The following FMNL2 variants were observed in gnomAD, a reference collection of about 807,000 sequenced individuals.
FMNL2 encodes formin-like protein 2.
Under a neutral mutation model 130.2 loss-of-function variants are expected in FMNL2, and 51 were observed. The observed-to-expected ratio is 0.39, with a 90% confidence interval of 0.31 to 0.49. The LOEUF (loss-of-function observed/expected upper bound fraction) is 0.49. Ranked by LOEUF, FMNL2 falls within the 20% of genes least tolerant of loss-of-function variation. FMNL2 has a pLI of 0.85. For missense variants in FMNL2, 977 were observed against 1,316.2 expected, an observed-to-expected ratio of 0.74 and a Z score of 3.99; for synonymous variants, 465 against 467.1, an observed-to-expected ratio of 1.00 and a Z score of 0.06.
chr2:152,583,261 G>T (rs1035272571), intron 9 of FMNL2, among the ~76,000 whole-genome samples: 2 of 152,172 alleles, frequency 1.3e-5, no homozygotes, highest in African/African-American at 4.8e-5. Context: ...ACTGTCCTTG[G>T]CATAGGCATT....
chr2:152,502,957 A>C (rs915113551), intron 1 of FMNL2, among the ~76,000 whole-genome samples: 1 of 152,080 alleles, frequency 6.6e-6, no homozygotes, highest in Admixed American at 6.6e-5. Context: ...TTCCCTGGGC[A>C]GTGTTGAGGG....
chr2:152,390,067 C>G, intron 1 of FMNL2: 1 of 1,560,604 alleles, frequency 6.4e-7, no homozygotes, highest in East Asian at 2.2e-5. Flanking sequence ...CTTGACTCCC[C>G]AGGAAAGCAG....
chr2:152,338,363 A>G (rs1234448658), intron 1 of FMNL2, among the ~76,000 whole-genome samples: 3 of 152,168 alleles, frequency 2.0e-5, no homozygotes, highest in Non-Finnish European at 4.4e-5. Flanking sequence ...GTTCCTCCCA[A>G]CTTCCAGCTC....
In FMNL2 at chr2:152,617,128, T is replaced by G; in HGVS notation, c.1250T>G (p.Met417Arg). ...EKLQDTENEA[M>R]SKIVELEKQL... ...CTGCAAGACACAGAGAATGAAGCCA[T>G]GTCCAAGATTGTGGAACTGGAAAAG... Residue 417 changes from methionine (M) to arginine (R), a missense_variant, in exon 13 of 26, where the codon ATG becomes AGG. By Grantham distance (91) the Met-to-Arg change is moderately conservative. Transcript: ENST00000288670. 6.2e-6 allele frequency: 10 copies of G among 1,613,916 alleles called. No homozygotes were observed. The highest frequency in any genetic ancestry group is 8.5e-6 in the Non-Finnish European group (10 of 1,179,862).
chr2:152,404,635 A>G (rs1004034027), intron 1 of FMNL2, among the ~76,000 whole-genome samples: 1 of 152,204 alleles, frequency 6.6e-6, no homozygotes, highest in Admixed American at 6.5e-5. Flanking sequence ...GTTCTCCAGC[A>G]GAGTCCTAAT....
Position 152,614,884 on chromosome 2 carries a change from G to C in FMNL2, c.1096G>C (p.Val366Leu). Residue 366 changes from valine (V) to leucine (L), a missense_variant, in exon 12 of 26, where the codon GTC becomes CTC. Coordinates refer to ENST00000288670, the MANE Select transcript of FMNL2 (RefSeq NM_052905.4). ...LKHTESDKLQ[V>L]QIQAYLDNVF... ...ACACACTGAGAGTGACAAGCTTCAA[G>C]TCCAGATCCAGGCTTACCTGGACAA... 6.2e-7 allele frequency: 1 copy of C among 1,613,218 alleles called. No homozygotes were observed. The highest frequency in any genetic ancestry group is 1.1e-5 in the South Asian group (1 of 90,916).
intron 1 of FMNL2, among the ~76,000 whole-genome samples, chr2:152,456,382 T>C (rs1342730864): frequency 6.6e-6 from 1 of 152,162 alleles, no homozygotes; most frequent in Non-Finnish European, 1.5e-5. Flanking sequence ...TTGATTGTTT[T>C]GTGGAGACAG....
At chr2:152,408,183 T>C (rs1247505014) in intron 1 of FMNL2, among the ~76,000 whole-genome samples, 1 of 152,200 alleles carries the variant, frequency 6.6e-6, no homozygotes. Flanking sequence ...ATAATAGATA[T>C]TGAGTAGTTG....
In FMNL2 at chr2:152,578,880, A is replaced by G; in HGVS notation, c.706-8A>G. ...TTGTGTTTCTTTTTTTTTCCATGTT[A>G]ATTTTAGTATGGTTTCAACATGGTC... On this transcript the variant is annotated splice_polypyrimidine_tract_variant and splice_region_variant and intron_variant, in intron 7 of 25. Transcript: ENST00000288670. 1.2e-6 allele frequency: 2 copies of G among 1,605,484 alleles called. No homozygotes were observed. The highest frequency in any genetic ancestry group is 1.1e-5 in the South Asian group (1 of 89,332).
chr2:152,479,728 T>G (rs920542833), intron 1 of FMNL2, among the ~76,000 whole-genome samples: 2 of 149,128 alleles, frequency 1.3e-5, no homozygotes, highest in African/African-American at 2.5e-5. Context: ...GTTTTTTTTT[T>G]TTTTTTTTTT....
At chr2:152,567,179 A>C (rs530600988) in intron 6 of FMNL2, among the ~76,000 whole-genome samples, 1 of 152,328 alleles carries the variant, frequency 6.6e-6, no homozygotes, top group Admixed American at 6.5e-5. Context: ...TGTCCTGATT[A>C]ATTAGCCCCC....
chr2:152,592,231 C>T (rs1016806814), intron 9 of FMNL2, among the ~76,000 whole-genome samples: 1 of 152,180 alleles, frequency 6.6e-6, no homozygotes, highest in Non-Finnish European at 1.5e-5. Context: ...ACTAGGAGGA[C>T]AGTAATTTAA....
Position 152,572,745 on chromosome 2 carries a change from A to C in FMNL2, c.597-2391A>C, listed in dbSNP as rs201880008. On this transcript the variant is annotated intron_variant, in intron 6 of 25. Transcript: ENST00000288670. ...GTGACAAAGTGAGACCCTTGTCTCC[A>C]AAAAATACATGGTATCAACATCATG... 2.3e-4 allele frequency among the ~76,000 whole-genome samples: 35 copies of C among 152,208 alleles called. No individual in the cohort carries two copies. The East Asian group carries it at 4.2e-3, about 18-fold the overall frequency.
chr2:152,648,197 A>G lies in FMNL2; in HGVS notation c.*292A>G, dbSNP rs1683787240. On this transcript the variant is annotated 3_prime_UTR_variant, in exon 26 of 26. Coordinates refer to ENST00000288670, the MANE Select transcript of FMNL2 (RefSeq NM_052905.4). ...AACCAAAATGTAAAGTTCTTATTAAACTCATTACCTGCCATTGTGATTGTC... is the reference window on the plus strand; with the variant it reads ...AACCAAAATGTAAAGTTCTTATTAAGCTCATTACCTGCCATTGTGATTGTC... 3.2e-6 allele frequency: 1 copy of G among 308,454 alleles called. No homozygotes were observed. The highest frequency in any genetic ancestry group is 4.6e-5 in the Admixed American group (1 of 21,704). 19.1% of individuals were successfully genotyped at this position (308,454 alleles called of 1,614,324 possible).
chr2:152,413,518 T>A (rs768945791), intron 1 of FMNL2, among the ~76,000 whole-genome samples: 2 of 152,066 alleles, frequency 1.3e-5, no homozygotes, highest in African/African-American at 2.4e-5. Flanking sequence ...GGCTGGGGCA[T>A]GGGGGAGGAG....
chr2:152,639,027 G>A (rs540383347), intron 23 of FMNL2, among the ~76,000 whole-genome samples: 1 of 142,830 alleles, frequency 7.0e-6, no homozygotes, highest in Non-Finnish European at 1.5e-5. Context: ...GTCCATCAGC[G>A]TGCTCCTTCC....
intron 1 of FMNL2, among the ~76,000 whole-genome samples, chr2:152,361,592 A>G (rs1683181955): frequency 6.6e-6 from 1 of 152,204 alleles, no homozygotes; most frequent in Admixed American, 6.5e-5. Context: ...ACAAGATAGC[A>G]TCATTCTCAT....
rs909573706 is a variant in FMNL2, at chr2:152,455,814, G to A, written c.118-66129G>A. Among the ~76,000 whole-genome samples, 39 of 152,138 alleles carry A rather than the reference G, an allele frequency of 2.6e-4. 1 individual carries two copies. The highest frequency in any genetic ancestry group is 9.2e-4 in the African/African-American group (38 of 41,420). ...ACTGCAACCTTGACCTCCTGGGCCC[G>A]AGTGATCCTCCCACCTCAGCCCCCT... On this transcript the variant is annotated intron_variant, in intron 1 of 25. Coordinates refer to ENST00000288670, the MANE Select transcript of FMNL2 (RefSeq NM_052905.4).
At chr2:152,605,993 A>G (rs1338157863) in intron 9 of FMNL2, among the ~76,000 whole-genome samples, 1 of 152,230 alleles carries the variant, frequency 6.6e-6, no homozygotes, top group African/African-American at 2.4e-5. Flanking sequence ...AATTTAACAA[A>G]TACGATTGGG....
Sources: gnomAD v4.1 joint callset for allele counts (sites outside exome capture counted in the v4.1 genomes callset) on GRCh38, gnomAD v4.1.1 for gene constraint, MANE v1.5 for transcripts, NCBI Gene and HGNC (gene_info 2026-07-23, HGNC 2026-07-21) for gene names.